Variants in GSTO2 observed in about 807,000 individuals in gnomAD.
GSTO2 encodes the protein glutathione S-transferase omega-2.
GSTO2 carries 23 observed loss-of-function variants against 28.4 expected under a neutral mutation model. The observed-to-expected ratio is 0.81, with a 90% CI of 0.58 to 1.15. The LOEUF is 1.15. Among genes scored for constraint, GSTO2 ranks in the 50% most tolerant of loss-of-function variants. GSTO2 has a pLI of 0.00. For synonymous variants in GSTO2, 109 were observed against 111.0 expected (o/e 0.98, Z 0.11); for missense variants, 298 against 297.8 (o/e 1.00, Z 0.00).
At chr10:104,292,201 CTTT>C (rs35690921) in intron 5 of GSTO2, among the ~76,000 whole-genome samples, 3 of 137,976 alleles carry the variant, frequency 2.2e-5, no homozygotes, top group Non-Finnish European at 1.6e-5. Context: ...TGGCCAATAT[CTTT>C]TTTTTTTTTT....
chr10:104,300,576 G>A lies in GSTO2; in HGVS notation c.*1292G>A, dbSNP rs2013227911. The A allele has an allele frequency of 6.6e-6, 1 of 152,344 alleles. No individual in the cohort carries two copies. The highest frequency in any genetic ancestry group is 1.5e-5 in the Non-Finnish European group (1 of 68,120). 9.4% of individuals were successfully genotyped at this position (152,344 alleles called of 1,614,324 possible). A position where few individuals can be genotyped will look rare whatever the true frequency, so the allele number is the denominator to read the frequency against. On this transcript the variant is annotated 3_prime_UTR_variant, in exon 7 of 7. Coordinates refer to ENST00000338595, the MANE Select transcript of GSTO2 (RefSeq NM_183239.2). ...ACCACCCCACTGAAGACAGCAAAGA[G>A]CTGAGGATGGCTGGTGCCAACAGGT...
chr10:104,277,377 G>A (rs373166203), intron 3 of GSTO2, among the ~76,000 whole-genome samples: 1 of 151,742 alleles, frequency 6.6e-6, no homozygotes, highest in Non-Finnish European at 1.5e-5. Context: ...TCCACCTCCC[G>A]GGTTCAAGCA....
intron 5 of GSTO2, among the ~76,000 whole-genome samples, chr10:104,293,076 C>A (rs189241247): frequency 3.3e-5 from 5 of 152,270 alleles, no homozygotes; most frequent in African/African-American, 1.2e-4. Flanking sequence ...ACAGGAAGGA[C>A]AGAATTCTGA....
chr10:104,275,027 C>A, intron 2 of GSTO2, 78 bp downstream of exon 2: 1 of 1,538,546 alleles, frequency 6.5e-7, no homozygotes, highest in Non-Finnish European at 8.7e-7. Context: ...GCTGCCTGGC[C>A]TTGGCCTGCA....
chr10:104,280,957 T>C (rs1189401955), intron 5 of GSTO2, among the ~76,000 whole-genome samples: 1 of 152,254 alleles, frequency 6.6e-6, no homozygotes, highest in Non-Finnish European at 1.5e-5. Context: ...GGTCACCAAC[T>C]GTGGCCTTGA....
chr10:104,283,055 C>A (rs193080007), intron 5 of GSTO2, among the ~76,000 whole-genome samples: 5 of 152,276 alleles, frequency 3.3e-5, no homozygotes, highest in Admixed American at 6.5e-5. Flanking sequence ...TAAACACTTC[C>A]GTCAAGGTTA....
At chr10:104,278,268 G>A (rs1344192908) in intron 4 of GSTO2, 152 bp downstream of exon 4, 3 of 643,218 alleles carry the variant, frequency 4.7e-6, no homozygotes, top group Non-Finnish European at 8.2e-6. Flanking sequence ...AATTAGGGTA[G>A]AGCATGGCCA....
At chr10:104,285,258 A>T (rs2012349453) in intron 5 of GSTO2, among the ~76,000 whole-genome samples, 2 of 151,970 alleles carry the variant, frequency 1.3e-5, no homozygotes, top group Non-Finnish European at 2.9e-5. Flanking sequence ...TTAATTTTTT[A>T]ATTATTTTAT....
rs887491823 is a variant in GSTO2, at chr10:104,304,580, G to A, written c.*5296G>A. ...GGCTAAGTACCTATTTCATTGGGCT[G>A]TTGAATAATGATGGTCTCATCTATG... On this transcript the variant is annotated 3_prime_UTR_variant, in exon 7 of 7. Coordinates refer to ENST00000338595, the MANE Select transcript of GSTO2 (RefSeq NM_183239.2). 2.0e-5 allele frequency: 3 copies of A among 152,192 alleles called. No individual in the cohort carries two copies. The highest frequency in any genetic ancestry group is 6.5e-5 in the Admixed American group (1 of 15,272). 9.4% of individuals were successfully genotyped at this position (152,192 alleles called of 1,614,324 possible).
At chr10:104,293,582 T>TTTTTTTTTTTTTTTTTTTTTTTA in intron 5 of GSTO2, among the ~76,000 whole-genome samples, 1 of 145,542 alleles carries the variant, frequency 6.9e-6, no homozygotes, top group Non-Finnish European at 1.5e-5. Context: ...TTTTTTTTTT[T>TTTTTTTTTTTTTTTTTTTTTTTA]TTTGCGACAA....
intron 2 of GSTO2, 96 bp downstream of exon 2, chr10:104,275,045 G>A: frequency 6.7e-7 from 1 of 1,494,450 alleles, no homozygotes; most frequent in Non-Finnish European, 8.9e-7. Context: ...GCAGACCGGC[G>A]GGGCAGGAAG....
At chr10:104,289,008 C>G (rs1230232375) in intron 5 of GSTO2, among the ~76,000 whole-genome samples, 1 of 152,176 alleles carries the variant, frequency 6.6e-6, no homozygotes. Flanking sequence ...CATCTACCAC[C>G]AATCACTTTA....
Position 104,275,215 on chromosome 10 carries a change from C to G in GSTO2, c.35-11C>G, listed in dbSNP as rs138733888. The G allele has an allele frequency of 9.3e-6, 15 of 1,609,396 alleles. No individual in the cohort carries two copies. Among genetic ancestry groups the G allele is most frequent in the Admixed American group, 5.1e-5 (3 of 59,212 alleles). On this transcript the variant is annotated splice_polypyrimidine_tract_variant and intron_variant, in intron 2 of 6. Transcript: ENST00000338595. ...CTCCTTTCCCTGTCCCCCTCCATCG[C>G]TGCTCTGCAGGAAGCCAGCCCCCAG...
intron 5 of GSTO2, chr10:104,291,699 A>G (rs1259079203): frequency 6.6e-6 from 1 of 152,216 alleles, no homozygotes; most frequent in Non-Finnish European, 1.5e-5. Context: ...TCTCGCGTGC[A>G]GGGCTTGGGA....
intron 5 of GSTO2, among the ~76,000 whole-genome samples, chr10:104,292,167 A>T (rs1214689872): frequency 1.3e-5 from 2 of 150,826 alleles, no homozygotes; most frequent in East Asian, 2.0e-4. Context: ...TGCCATTGTG[A>T]GGGAAGCTAT....
At chr10:104,291,695 G>T (rs1320431158) in intron 5 of GSTO2, 1 of 152,214 alleles carries the variant, frequency 6.6e-6, no homozygotes, top group East Asian at 1.9e-4. Flanking sequence ...GGCTTCTCGC[G>T]TGCAGGGCTT....
intron 6 of GSTO2, 56 bp downstream of exon 6, chr10:104,297,740 G>A (rs1013015811): frequency 2.5e-6 from 3 of 1,223,124 alleles, no homozygotes; most frequent in Non-Finnish European, 3.6e-6. Context: ...AGTAACAATG[G>A]TTAAGATGGT....
chr10:104,274,866 A>G lies in GSTO2; in HGVS notation c.-50A>G. The G allele has an allele frequency of 1.3e-6, 2 of 1,588,862 alleles. No homozygotes were observed. Among genetic ancestry groups the G allele is most frequent in the Non-Finnish European group, 8.6e-7 (1 of 1,167,844 alleles). ...GAGCCTGCGGCAGCGGTGGCGAGCCACAGGGCGGCGACCGTGAGCTCCGGG... is the reference window on the plus strand; with the variant it reads ...GAGCCTGCGGCAGCGGTGGCGAGCCGCAGGGCGGCGACCGTGAGCTCCGGG... On this transcript the variant is annotated 5_prime_UTR_variant, in exon 2 of 7. Transcript: ENST00000338595.
At chr10:104,296,718 G>A (rs1034045866) in intron 5 of GSTO2, 1 of 151,404 alleles carries the variant, frequency 6.6e-6, no homozygotes, top group African/African-American at 2.4e-5. Context: ...TGAATTAATT[G>A]AGAAGATAAA....
Sources: allele counts gnomAD v4.1 joint callset (sites outside exome capture counted in the v4.1 genomes callset), GRCh38; gene constraint gnomAD v4.1.1; transcripts MANE v1.5; gene names NCBI Gene and HGNC (gene_info 2026-07-23, HGNC 2026-07-21).